AGFG2: variants seen among roughly 807,000 people sequenced by gnomAD.
The protein encoded by AGFG2 is ArfGAP with FG repeats 2.
Under a neutral mutation model 48.0 loss-of-function variants are expected in AGFG2, and 31 were observed. That is an observed-to-expected ratio of 0.65 (90% CI 0.49 to 0.87). The LOEUF (loss-of-function observed/expected upper bound fraction) is 0.87, where lower values mean the gene tolerates loss of function less well. Among genes scored for constraint, AGFG2 ranks in the 40% least tolerant of loss-of-function variants. The pLI, the probability that AGFG2 is intolerant of heterozygous loss-of-function variation, is 0.00. For missense variants in AGFG2, 599 were observed against 632.6 expected (o/e 0.95, Z 0.57); for synonymous variants, 229 against 260.8 (o/e 0.88, Z 1.18).
Position 100,562,109 on chromosome 7 carries a change from C to T in AGFG2, c.878-150C>T. 9.4e-7 allele frequency: 1 copy of T among 1,069,338 alleles called. No individual in the cohort carries two copies. Among genetic ancestry groups the T allele is most frequent in the Non-Finnish European group, 1.4e-6 (1 of 736,104 alleles). The allele number at this position is 1,069,338 out of a possible 1,614,324, so 66.2% of individuals were successfully genotyped here. On this transcript the variant is annotated intron_variant, in intron 6 of 11. Transcript: ENST00000300176. The surrounding 1 kb of genome is among the most constrained non-coding windows in gnomAD (Gnocchi z 5.4). ...ACAAGACCTCCTGAACTGGGTGGTC[C>T]CTGAGAAAATGGGCTGCCTCAGAGA...
At chr7:100,554,363 A>G (rs898260314) in intron 5 of AGFG2, 105 bp downstream of exon 5, 5 of 1,370,856 alleles carry the variant, frequency 3.6e-6, no homozygotes, top group Non-Finnish European at 4.9e-6. Context: ...TCATGCAAAC[A>G]AATGTGAGGG....
At chr7:100,548,555 T>C (rs1391790231) in intron 1 of AGFG2, among the ~76,000 whole-genome samples, 1 of 152,152 alleles carries the variant, frequency 6.6e-6, no homozygotes, top group Non-Finnish European at 1.5e-5. Context: ...TCAAGTGAGC[T>C]GCCTGCCTCG....
At chr7:100,555,913 C>A in intron 6 of AGFG2, 178 bp downstream of exon 6, 1 of 777,072 alleles carries the variant, frequency 1.3e-6, no homozygotes, top group Non-Finnish European at 1.9e-6. Flanking sequence ...GGAGAGGGGG[C>A]TCTACTGTTC....
chr7:100,560,336 G>A (rs1442758964), intron 6 of AGFG2, among the ~76,000 whole-genome samples: 2 of 152,142 alleles, frequency 1.3e-5, no homozygotes, highest in Non-Finnish European at 2.9e-5. Context: ...GCACCACCAC[G>A]CCCAGCTTAT....
intron 6 of AGFG2, among the ~76,000 whole-genome samples, chr7:100,560,314 G>A (rs1800839677): frequency 6.6e-6 from 1 of 152,120 alleles, no homozygotes; most frequent in Non-Finnish European, 1.5e-5. Flanking sequence ...GTGTAGTTGG[G>A]ATTACAGGTA....
In AGFG2 at chr7:100,553,387, A is replaced by G. The variant is rs1800689047; in HGVS notation, c.472A>G (p.Lys158Glu). Residue 158 changes from lysine to glutamate, a missense_variant, in exon 4 of 12, where the codon AAA becomes GAA. Coordinates refer to ENST00000300176, the MANE Select transcript of AGFG2 (RefSeq NM_006076.5). ...PDQVKGPTYT[K>E]GSASTPVQGS... is the part of the protein sequence containing the mutation. ...CCAAGTCAAGGGGCCCACTTATACC[A>G]AAGGCAGTGCCTCCACCCCTGTGCA... 6.2e-7 allele frequency: 1 copy of G among 1,614,196 alleles called. No homozygotes were observed. The highest frequency in any genetic ancestry group is 8.5e-7 in the Non-Finnish European group (1 of 1,180,036).
At chr7:100,550,562 A>C (rs753230251) in intron 3 of AGFG2, 51 bp downstream of exon 3, 47 of 1,402,664 alleles carry the variant, frequency 3.4e-5, no homozygotes, top group Non-Finnish European at 4.5e-5. Flanking sequence ...GACATTCTTC[A>C]TCTGACAGTC....
At chr7:100,557,783 G>T (rs1396795266) in intron 6 of AGFG2, among the ~76,000 whole-genome samples, 16 of 152,120 alleles carry the variant, frequency 1.1e-4, no homozygotes, top group Admixed American at 1.0e-3. Context: ...AAGCTTAAAG[G>T]TATGAAACAG....
At chr7:100,558,642 C>T (rs28662183) in intron 6 of AGFG2, among the ~76,000 whole-genome samples, 4 of 151,134 alleles carry the variant, frequency 2.6e-5, no homozygotes, top group Non-Finnish European at 5.9e-5. Flanking sequence ...CTCGGGTTCA[C>T]GCTATTCTCC....
intron 1 of AGFG2, among the ~76,000 whole-genome samples, chr7:100,541,732 T>C (rs1800424790): frequency 7.0e-6 from 1 of 143,184 alleles, no homozygotes; most frequent in Admixed American, 7.2e-5. Flanking sequence ...CACTGCACTC[T>C]CCAGTCTGGG....
intron 3 of AGFG2, among the ~76,000 whole-genome samples, chr7:100,551,030 T>TTATTTA (rs1800621725): frequency 1.8e-5 from 1 of 56,036 alleles, no homozygotes; most frequent in Admixed American, 2.6e-4. Flanking sequence ...CCTGGCTAAT[T>TTATTTA]TATATATATA....
intron 1 of AGFG2, 123 bp from the exon 2 acceptor site, chr7:100,548,698 GT>G: frequency 1.5e-6 from 1 of 658,550 alleles, no homozygotes; most frequent in Admixed American, 2.5e-5. Flanking sequence ...AGATGGGGGG[GT>G]TCTATCTGAG....
intron 1 of AGFG2, among the ~76,000 whole-genome samples, chr7:100,545,763 T>G (rs1357005062): frequency 6.6e-6 from 1 of 152,198 alleles, no homozygotes; most frequent in Non-Finnish European, 1.5e-5. Flanking sequence ...GGCCAGTGAC[T>G]CACATCTGGT....
At chr7:100,553,604 G>A (rs1800694646) in intron 4 of AGFG2, 104 bp downstream of exon 4, 1 of 1,372,464 alleles carries the variant, frequency 7.3e-7, no homozygotes, top group Non-Finnish European at 9.8e-7. Context: ...CAGTGCAGGA[G>A]CTGTGAGTTG....
In AGFG2 at chr7:100,562,119, T is replaced by C. The variant is rs1800886341; in HGVS notation, c.878-140T>C. Reference sequence around the variant, plus strand: ...CTGAACTGGGTGGTCCCTGAGAAAATGGGCTGCCTCAGAGAACCCAGCAGG... The same window carrying C: ...CTGAACTGGGTGGTCCCTGAGAAAACGGGCTGCCTCAGAGAACCCAGCAGG... On this transcript the variant is annotated intron_variant, in intron 6 of 11. Transcript: ENST00000300176. The surrounding 1 kb of genome is among the most constrained non-coding windows in gnomAD (Gnocchi z 5.4). The C allele has an allele frequency of 3.1e-5, 36 of 1,176,672 alleles. 1 individual carries two copies. In the South Asian group the frequency reaches 4.5e-4, roughly 15 times the overall value. 72.9% of individuals were successfully genotyped at this position (1,176,672 alleles called of 1,614,324 possible).
chr7:100,544,170 T>A (rs1800471249), intron 1 of AGFG2, among the ~76,000 whole-genome samples: 1 of 152,198 alleles, frequency 6.6e-6, no homozygotes, highest in African/African-American at 2.4e-5. Flanking sequence ...GACGCTAACT[T>A]TGACACCCAG....
At chr7:100,551,049 TATATATATATATATATA>T (rs1252418352) in intron 3 of AGFG2, among the ~76,000 whole-genome samples, 7 of 78,772 alleles carry the variant, frequency 8.9e-5, no homozygotes, top group African/African-American at 3.0e-4. Flanking sequence ...TATATATATA[TATATATATATATATATA>T]TTTCTTTTTT....
At chr7:100,561,375 C>T (rs562983700) in intron 6 of AGFG2, among the ~76,000 whole-genome samples, 2 of 152,292 alleles carry the variant, frequency 1.3e-5, no homozygotes, top group South Asian at 4.1e-4. Context: ...AATCTGCTCG[C>T]CTTGGCCTCT....
chr7:100,558,803 C>T (rs558761571), intron 6 of AGFG2, among the ~76,000 whole-genome samples: 5 of 152,206 alleles, frequency 3.3e-5, no homozygotes, highest in Admixed American at 6.5e-5. Flanking sequence ...ACGGATGTCC[C>T]AAGCATTAAA....
Sources: allele counts gnomAD v4.1 joint callset (sites outside exome capture counted in the v4.1 genomes callset), GRCh38; gene constraint gnomAD v4.1.1; non-coding constraint Gnocchi (gnomAD v3.1); transcripts MANE v1.5; gene names NCBI Gene and HGNC (gene_info 2026-07-23, HGNC 2026-07-21).